The following NAMPT variants were observed in gnomAD, a reference collection of about 807,000 sequenced individuals.
NAMPT encodes the protein NAmPRTase.
A neutral mutation model predicts 58.7 loss-of-function variants in NAMPT; 7 were observed. The ratio of observed to expected loss-of-function variants is 0.12; its 90% CI spans 0.07 to 0.22. The LOEUF (loss-of-function observed/expected upper bound fraction) is 0.22, where lower values mean the gene tolerates loss of function less well. NAMPT is among the 10% of genes least tolerant of loss of function. The pLI is 1.00. For missense variants in NAMPT, 271 were observed against 567.9 expected (o/e 0.48, Z 5.31); for synonymous variants, 145 against 198.1 (o/e 0.73, Z 2.25).
intron 6 of NAMPT, 117 bp from the exon 7 acceptor site, chr7:106,263,734 G>A (rs1468244914): frequency 1.5e-5 from 12 of 785,818 alleles, no homozygotes; most frequent in African/African-American, 1.2e-4. Flanking sequence ...CAGAGAAGGT[G>A]AGTGACTTAG....
intron 8 of NAMPT, among the ~76,000 whole-genome samples, chr7:106,259,648 C>T (rs1386220015): frequency 1.3e-5 from 2 of 152,128 alleles, no homozygotes; most frequent in African/African-American, 4.8e-5. Context: ...TGATCTTGAT[C>T]TCCTGATTGC....
At chr7:106,284,687 G>A in intron 1 of NAMPT, 141 bp downstream of exon 1, 1 of 1,003,486 alleles carries the variant, frequency 1.0e-6, no homozygotes, top group Non-Finnish European at 1.2e-6. Context: ...CGCCGCCCGC[G>A]CCTCCCCCGG....
intron 8 of NAMPT, among the ~76,000 whole-genome samples, chr7:106,258,420 T>C (rs1792247578): frequency 6.6e-6 from 1 of 152,232 alleles, no homozygotes; most frequent in Non-Finnish European, 1.5e-5. Flanking sequence ...CCATCTGAGA[T>C]TCGTATACAT....
At chr7:106,273,540 T>G (rs989841790) in intron 3 of NAMPT, among the ~76,000 whole-genome samples, 3 of 152,160 alleles carry the variant, frequency 2.0e-5, no homozygotes, top group African/African-American at 7.2e-5. Context: ...CCTGGACTAG[T>G]CACTTGCCAT....
chr7:106,252,799 C>T (rs555143303), intron 10 of NAMPT, among the ~76,000 whole-genome samples: 7 of 152,154 alleles, frequency 4.6e-5, no homozygotes, highest in Admixed American at 6.5e-5. Flanking sequence ...ACTATACTTA[C>T]GTAATATTTC....
intron 1 of NAMPT, among the ~76,000 whole-genome samples, chr7:106,282,603 A>G (rs985918473): frequency 2.0e-5 from 3 of 152,244 alleles, no homozygotes; most frequent in Admixed American, 1.3e-4. Context: ...AAGTGAATGT[A>G]TATACTTCAA....
Position 106,284,886 on chromosome 7 carries a change from T to A in NAMPT, c.-2A>T, listed in dbSNP as rs753463837. The A allele has an allele frequency of 1.3e-6, 2 of 1,583,892 alleles. No individual in the cohort carries two copies. The highest frequency in any genetic ancestry group is 1.7e-6 in the Non-Finnish European group (2 of 1,164,350). ...CTCGGCTTCTGCCGCAGGATTCATC[T>A]CGGGCCGGAGGACAGGGGCCGCGCG... On this transcript the variant is annotated 5_prime_UTR_variant, in exon 1 of 11. Transcript: ENST00000222553.
intron 8 of NAMPT, among the ~76,000 whole-genome samples, chr7:106,255,579 C>G (rs1023616511): frequency 3.3e-5 from 5 of 152,194 alleles, no homozygotes; most frequent in Non-Finnish European, 7.4e-5. Flanking sequence ...TTAAACAAAT[C>G]TACATTTAGA....
intron 4 of NAMPT, among the ~76,000 whole-genome samples, chr7:106,271,405 G>A (rs995171470): frequency 6.6e-6 from 1 of 152,074 alleles, no homozygotes; most frequent in Non-Finnish European, 1.5e-5. Context: ...AATGATATTA[G>A]TGGTTAGTTC....
intron 4 of NAMPT, among the ~76,000 whole-genome samples, chr7:106,270,551 T>C (rs558423022): frequency 5.9e-5 from 9 of 152,340 alleles, no homozygotes; most frequent in Non-Finnish European, 1.2e-4. Flanking sequence ...TCTTATCCCT[T>C]GAGTCTGTGC....
rs1792069047 is a variant in NAMPT at position 106,249,232 on chromosome 7, GT to G, written c.*1850del. 6.6e-6 allele frequency: 1 copy of G among 152,350 alleles called. No homozygotes were observed. The highest frequency in any genetic ancestry group is 1.5e-5 in the Non-Finnish European group (1 of 67,942). 9.4% of individuals were successfully genotyped at this position (152,350 alleles called of 1,614,324 possible). A position where few individuals can be genotyped will look rare whatever the true frequency, so the allele number is the denominator to read the frequency against. The stretch of plus-strand genomic sequence containing the variant: ...ATGGATTACAGAAGACTTACTAAAA[GT>G]GAATAATGCTTATTGTTCTCACTAC... On this transcript the variant is annotated 3_prime_UTR_variant, in exon 11 of 11. Coordinates refer to ENST00000222553, the MANE Select transcript of NAMPT (RefSeq NM_005746.3).
intron 1 of NAMPT, among the ~76,000 whole-genome samples, chr7:106,278,307 G>C (rs942773470): frequency 2.0e-5 from 3 of 152,076 alleles, no homozygotes; most frequent in Non-Finnish European, 4.4e-5. Context: ...CCTTGCCAAT[G>C]GTAGCATACT....
At chr7:106,284,732 G>GCC in intron 1 of NAMPT, 96 bp downstream of exon 1, 4 of 205,774 alleles carry the variant, frequency 1.9e-5, no homozygotes, top group Non-Finnish European at 2.5e-5. Context: ...CCCAGCCCCA[G>GCC]CCCCAACCCC....
chr7:106,281,877 C>T (rs1278715053), intron 1 of NAMPT, among the ~76,000 whole-genome samples: 2 of 152,014 alleles, frequency 1.3e-5, no homozygotes, highest in African/African-American at 2.4e-5. Flanking sequence ...ACCTTTAAAC[C>T]AGATTTCATT....
upstream of NAMPT, chr7:106,285,132 C>T: frequency 7.7e-7 from 1 of 1,298,784 alleles, no homozygotes; most frequent in East Asian, 3.1e-5. Context: ...CTCCCCACCT[C>T]GGTTCCCCCG....
chr7:106,255,922 C>T (rs1187508466), intron 8 of NAMPT, among the ~76,000 whole-genome samples: 1 of 152,134 alleles, frequency 6.6e-6, no homozygotes, highest in Non-Finnish European at 1.5e-5. Flanking sequence ...TTTAGATATG[C>T]TTCAGAGGCA....
intron 6 of NAMPT, 189 bp downstream of exon 6, chr7:106,268,275 C>G (rs1014785259): frequency 6.1e-6 from 3 of 494,912 alleles, no homozygotes; most frequent in African/African-American, 3.9e-5. Flanking sequence ...TTTCTTCTAG[C>G]ATGGATAAAA....
At chr7:106,270,194 A>T (rs1161925631) in intron 4 of NAMPT, 2 of 313,406 alleles carry the variant, frequency 6.4e-6, no homozygotes, top group African/African-American at 2.2e-5. Context: ...CAGCAACCGT[A>T]ATAATTATCA....
chr7:106,284,721 C>G, intron 1 of NAMPT, 107 bp downstream of exon 1: 3 of 820,806 alleles, frequency 3.7e-6, no homozygotes, highest in Non-Finnish European at 3.2e-6. Context: ...GCGACCCTAG[C>G]CCCAGCCCCA....
Sources: gnomAD v4.1 joint callset for allele counts (sites outside exome capture counted in the v4.1 genomes callset) on GRCh38, gnomAD v4.1.1 for gene constraint, MANE v1.5 for transcripts, NCBI Gene and HGNC (gene_info 2026-07-23, HGNC 2026-07-21) for gene names.